ROBO1: variants seen among roughly 807,000 people sequenced by gnomAD.
The protein encoded by ROBO1 is roundabout homolog 1.
In ROBO1, 149 loss-of-function variants were observed where a neutral mutation model predicts 195.9. The observed-to-expected ratio is 0.76, with a 90% confidence interval of 0.67 to 0.87. The LOEUF (loss-of-function observed/expected upper bound fraction) is 0.87. Ranked by LOEUF, ROBO1 falls within the 40% of genes least tolerant of loss-of-function variation. The pLI, the probability that ROBO1 is intolerant of heterozygous loss-of-function variation, is 0.00. For synonymous variants in ROBO1, 816 were observed against 733.2 expected, an observed-to-expected ratio of 1.11 and a Z score of -1.82; for missense variants, 1,933 against 2,068.3, an observed-to-expected ratio of 0.93 and a Z score of 1.27.
At chr3:79,429,720 C>A (rs2038598417) in intron 2 of ROBO1, among the ~76,000 whole-genome samples, 2 of 152,118 alleles carry the variant, frequency 1.3e-5, no homozygotes, top group African/African-American at 4.8e-5. Context: ...ATTTTTATGT[C>A]TGACACGTCT....
chr3:79,126,357 G>A (rs932592190), intron 2 of ROBO1, among the ~76,000 whole-genome samples: 2 of 151,886 alleles, frequency 1.3e-5, no homozygotes, highest in Non-Finnish European at 2.9e-5. Context: ...ATTTTCCCAC[G>A]CAGAATTTTA....
intron 1 of ROBO1, among the ~76,000 whole-genome samples, chr3:79,621,061 C>T (rs1944992007): frequency 6.6e-6 from 1 of 152,120 alleles, no homozygotes; most frequent in South Asian, 2.1e-4. Context: ...AGATATCAAA[C>T]ATGCTTTCTT....
intron 2 of ROBO1, among the ~76,000 whole-genome samples, chr3:79,297,660 T>C (rs2032666091): frequency 6.6e-6 from 1 of 152,122 alleles, no homozygotes; most frequent in African/African-American, 2.4e-5. Flanking sequence ...AATGGATGCT[T>C]CGTGTAAACA....
intron 2 of ROBO1, among the ~76,000 whole-genome samples, chr3:79,324,326 G>T (rs1480215999): frequency 6.6e-6 from 1 of 152,156 alleles, no homozygotes; most frequent in Non-Finnish European, 1.5e-5. Context: ...CAGCAAATTA[G>T]AGAGAAGTTT....
intron 8 of ROBO1, among the ~76,000 whole-genome samples, chr3:78,709,745 G>C (rs190970165): frequency 3.9e-5 from 6 of 152,214 alleles, no homozygotes; most frequent in Admixed American, 2.6e-4. Flanking sequence ...AATCTTACTA[G>C]TCTCTGTATG....
At chr3:78,622,512 C>T (rs1030151919) in intron 26 of ROBO1, among the ~76,000 whole-genome samples, 1 of 152,180 alleles carries the variant, frequency 6.6e-6, no homozygotes, top group African/African-American at 2.4e-5. Flanking sequence ...GGTAAACATA[C>T]TTAATGTAAG....
At chr3:79,589,128 G>T (rs7432656) in intron 2 of ROBO1, among the ~76,000 whole-genome samples, 94,746 of 151,292 alleles carry the variant, frequency 0.63, 31,913 homozygotes, top group African/African-American at 0.9. Flanking sequence ...AACTTCAATT[G>T]TTTCTGTCTT....
chr3:79,599,327 CA>C (rs1167228095), intron 1 of ROBO1, among the ~76,000 whole-genome samples: 1 of 151,908 alleles, frequency 6.6e-6, no homozygotes, highest in Non-Finnish European at 1.5e-5. Flanking sequence ...TGGTTTAAAG[CA>C]ATAATTGTAT....
chr3:79,466,621 T>A (rs554330593), intron 2 of ROBO1, among the ~76,000 whole-genome samples: 1 of 152,206 alleles, frequency 6.6e-6, no homozygotes, highest in South Asian at 2.1e-4. Flanking sequence ...TCTTAGAGGT[T>A]TTTTTCAATA....
chr3:78,931,236 C>CTTTTTTTTTTTTTT (rs71127369), intron 4 of ROBO1, among the ~76,000 whole-genome samples: 16 of 79,210 alleles, frequency 2.0e-4, no homozygotes, highest in East Asian at 7.9e-4. Flanking sequence ...TTCTTTCTTT[C>CTTTTTTTTTTTTTT]TTTTTTTTTT....
intron 2 of ROBO1, among the ~76,000 whole-genome samples, chr3:79,361,851 G>C (rs2035780886): frequency 6.6e-6 from 1 of 152,034 alleles, no homozygotes; most frequent in Non-Finnish European, 1.5e-5. Context: ...ATACCACAAA[G>C]ATGCATAATT....
intron 2 of ROBO1, among the ~76,000 whole-genome samples, chr3:79,529,383 G>T (rs533165381): frequency 6.6e-6 from 1 of 152,280 alleles, no homozygotes; most frequent in South Asian, 2.1e-4. Flanking sequence ...AGCTATTGGG[G>T]AGGCTGAGAT....
chr3:79,618,794 C>A (rs1944906073), intron 1 of ROBO1, among the ~76,000 whole-genome samples: 1 of 152,172 alleles, frequency 6.6e-6, no homozygotes, highest in Admixed American at 6.5e-5. Flanking sequence ...CAAGGAACAT[C>A]TCACCAATTT....
At chr3:78,634,837 A>G (rs371811468) in intron 23 of ROBO1, among the ~76,000 whole-genome samples, 1 of 152,280 alleles carries the variant, frequency 6.6e-6, no homozygotes, top group South Asian at 2.1e-4. Flanking sequence ...TTAAAACATA[A>G]TATTAACTTA....
intron 8 of ROBO1, among the ~76,000 whole-genome samples, chr3:78,713,945 A>ATTAC (rs1335420198): frequency 1.3e-5 from 2 of 152,248 alleles, no homozygotes; most frequent in Non-Finnish European, 2.9e-5. Context: ...GAAGAGTAAT[A>ATTAC]GAATCTTCTT....
chr3:79,373,582 A>T (rs1405847346), intron 2 of ROBO1, among the ~76,000 whole-genome samples: 6 of 152,220 alleles, frequency 3.9e-5, no homozygotes, highest in African/African-American at 1.4e-4. Context: ...ATAAATTTTT[A>T]AAATACTGAG....
At chr3:79,430,230 A>G (rs2038621743) in intron 2 of ROBO1, among the ~76,000 whole-genome samples, 1 of 152,134 alleles carries the variant, frequency 6.6e-6, no homozygotes, top group Admixed American at 6.6e-5. Context: ...TGTAAGTGTA[A>G]GCAATATTTA....
At chr3:79,206,362 G>A (rs970000136) in intron 2 of ROBO1, among the ~76,000 whole-genome samples, 2 of 152,174 alleles carry the variant, frequency 1.3e-5, no homozygotes, top group East Asian at 3.9e-4. Context: ...TGGCAATTTA[G>A]ATATGCCAAT....
At chr3:78,641,671 T>C (rs1407902207) in intron 21 of ROBO1, among the ~76,000 whole-genome samples, 1 of 152,186 alleles carries the variant, frequency 6.6e-6, no homozygotes, top group African/African-American at 2.4e-5. Flanking sequence ...AAACTCCATA[T>C]GTGACACAGC....
Sources: gnomAD v4.1 joint callset for allele counts (sites outside exome capture counted in the v4.1 genomes callset) on GRCh38, gnomAD v4.1.1 for gene constraint, MANE v1.5 for transcripts, NCBI Gene and HGNC (gene_info 2026-07-23, HGNC 2026-07-21) for gene names.